Variants in LYRM4 observed in about 807,000 individuals in gnomAD.
The protein encoded by LYRM4 is LYR motif containing 4, also known as LYR motif-containing protein 4.
Under a neutral mutation model 11.7 loss-of-function variants are expected in LYRM4, and 9 were observed. The observed-to-expected ratio is 0.77, with a 90% CI of 0.46 to 1.34. The LOEUF is 1.34. Ranked by LOEUF, LYRM4 falls within the 40% of genes most tolerant of loss-of-function variation. LYRM4 has a pLI of 0.00. For missense variants in LYRM4, 133 were observed against 112.5 expected (o/e 1.18, Z -0.82); for synonymous variants, 42 against 40.4 (o/e 1.04, Z -0.15).
chr6:5,144,190 T>C lies in LYRM4; in HGVS notation c.208-34699A>G, dbSNP rs1426572045. The C allele has an allele frequency of 3.3e-6, 5 of 1,536,880 alleles. No individual in the cohort carries two copies. The highest frequency in any genetic ancestry group is 4.4e-6 in the Non-Finnish European group (5 of 1,146,900). On this transcript the variant is annotated intron_variant, in intron 2 of 2. Transcript: ENST00000330636. The stretch of plus-strand genomic sequence containing the variant: ...GTCAGGTGGTTTCCTCAAGGCCAAC[T>C]TGTGCAGGGCTTCCCCAGGCTCCGG...
chr6:5,133,391 T>G (rs969250746), intron 2 of LYRM4, among the ~76,000 whole-genome samples: 1 of 152,154 alleles, frequency 6.6e-6, no homozygotes, highest in Non-Finnish European at 1.5e-5. Flanking sequence ...AGAAGCAAAC[T>G]TGCACGGGCT....
the LYRM4 span, among the ~76,000 whole-genome samples, chr6:5,045,003 A>G: frequency 6.6e-6 from 1 of 152,188 alleles, no homozygotes; most frequent in African/African-American, 2.4e-5. Flanking sequence ...ACTCACATGG[A>G]CAACACACTT....
At chr6:5,039,354 C>T in the LYRM4 span, among the ~76,000 whole-genome samples, 1 of 152,114 alleles carries the variant, frequency 6.6e-6, no homozygotes. Context: ...ACAATAGTGA[C>T]CAAGACAAAC....
At chr6:5,046,006 G>C in the LYRM4 span, among the ~76,000 whole-genome samples, 2 of 152,164 alleles carry the variant, frequency 1.3e-5, no homozygotes, top group Admixed American at 1.3e-4. Flanking sequence ...GCATGAGCAC[G>C]GGGCACTCTG....
the LYRM4 span, chr6:5,085,502 C>A: frequency 2.0e-6 from 3 of 1,536,552 alleles, no homozygotes; most frequent in South Asian, 1.2e-5. Flanking sequence ...CCCATAGGGG[C>A]GCGGCTAAGT....
chr6:5,147,927 C>A (rs1757821698), intron 2 of LYRM4, among the ~76,000 whole-genome samples: 1 of 152,174 alleles, frequency 6.6e-6, no homozygotes, highest in South Asian at 2.1e-4. Flanking sequence ...TCCGACTTTC[C>A]TTTTGTAAAT....
At chr6:5,260,598 T>TACCCCGGCCCCGGGCCCCCCCC in intron 1 of LYRM4, 50 bp downstream of exon 1, 1 of 1,105,570 alleles carries the variant, frequency 9.0e-7, no homozygotes, top group Non-Finnish European at 1.3e-6. Flanking sequence ...GCACCCCCGG[T>TACCCCGGCCCCGGGCCCCCCCC]CCCCGGCCCC....
rs972020561 is a variant in LYRM4, at chr6:5,108,842, T to C, written c.*581A>G. Reference sequence around the variant, plus strand: ...TGTGTACCTACACACCCGTCACCTTTGTTGTACTGGGCTCAGGTATAAGTT... The same window carrying C: ...TGTGTACCTACACACCCGTCACCTTCGTTGTACTGGGCTCAGGTATAAGTT... On this transcript the variant is annotated 3_prime_UTR_variant, in exon 3 of 3. Coordinates refer to ENST00000330636, the MANE Select transcript of LYRM4 (RefSeq NM_020408.6). 2.0e-6 allele frequency: 2 copies of C among 986,380 alleles called. No individual in the cohort carries two copies. Among genetic ancestry groups the C allele is most frequent in the African/African-American group, 3.5e-5 (2 of 57,216 alleles). The allele number at this position is 986,380 out of a possible 1,614,324, so 61.1% of individuals were successfully genotyped here.
chr6:5,124,491 C>T (rs537788606), intron 2 of LYRM4, among the ~76,000 whole-genome samples: 3 of 152,294 alleles, frequency 2.0e-5, no homozygotes, highest in South Asian at 4.2e-4. Flanking sequence ...TTTCCATTTC[C>T]GCCTTTTGCC....
the LYRM4 span, among the ~76,000 whole-genome samples, chr6:5,060,976 G>A: frequency 6.6e-6 from 1 of 152,064 alleles, no homozygotes; most frequent in Non-Finnish European, 1.5e-5. Context: ...ATCCTATACT[G>A]TTCTGTGTTC....
the LYRM4 span, chr6:5,085,913 C>T: frequency 3.3e-6 from 5 of 1,531,026 alleles, no homozygotes; most frequent in Admixed American, 5.9e-5. Context: ...CTAAGCCTGG[C>T]CAGCGTGAAG....
chr6:5,078,617 A>T, the LYRM4 span, among the ~76,000 whole-genome samples: 1 of 152,310 alleles, frequency 6.6e-6, no homozygotes, highest in Non-Finnish European at 1.5e-5. Flanking sequence ...GAGCCCTTAA[A>T]GTTCCTCAAT....
At chr6:5,118,094 A>ATATATATATATATATATATATTTTT in intron 2 of LYRM4, among the ~76,000 whole-genome samples, 13 of 86,126 alleles carry the variant, frequency 1.5e-4, no homozygotes, top group South Asian at 4.3e-4. Context: ...ATATATATAT[A>ATATATATATATATATATATATTTTT]TTTTTGTTTT....
At chr6:5,200,832 T>C (rs1429715303) in intron 2 of LYRM4, among the ~76,000 whole-genome samples, 1 of 139,704 alleles carries the variant, frequency 7.2e-6, no homozygotes, top group Non-Finnish European at 1.6e-5. Context: ...GTACAAGCAC[T>C]GTAGGTGGTT....
intron 1 of LYRM4, among the ~76,000 whole-genome samples, chr6:5,245,122 A>ATATATG (rs1561899043): frequency 9.8e-5 from 3 of 30,756 alleles, no homozygotes; most frequent in Non-Finnish European, 1.9e-4. Context: ...AAATATATAT[A>ATATATG]TATATATATA....
At chr6:5,062,331 C>CAT in the LYRM4 span, among the ~76,000 whole-genome samples, 406 of 148,512 alleles carry the variant, frequency 2.7e-3, 3 homozygotes, top group African/African-American at 7.9e-3. Flanking sequence ...CATATATTAA[C>CAT]ATATATATAT....
chr6:5,036,832 G>A, the LYRM4 span, among the ~76,000 whole-genome samples: 37 of 152,096 alleles, frequency 2.4e-4, no homozygotes, highest in Non-Finnish European at 4.8e-4. Context: ...CTGCGGGCAC[G>A]GGATACGCTC....
At chr6:5,217,352 C>A (rs750803503) in intron 1 of LYRM4, among the ~76,000 whole-genome samples, 1 of 152,202 alleles carries the variant, frequency 6.6e-6, no homozygotes, top group Admixed American at 6.5e-5. Context: ...AAAGTGCACA[C>A]GCCTACCACC....
the LYRM4 span, among the ~76,000 whole-genome samples, chr6:5,057,918 T>C: frequency 1.3e-5 from 2 of 151,988 alleles, no homozygotes; most frequent in Non-Finnish European, 2.9e-5. Context: ...CATGTCCAGC[T>C]AATTCTTATT....
Sources: gnomAD v4.1 joint callset for allele counts (sites outside exome capture counted in the v4.1 genomes callset) on GRCh38, gnomAD v4.1.1 for gene constraint, MANE v1.5 for transcripts, NCBI Gene and HGNC (gene_info 2026-07-23, HGNC 2026-07-21) for gene names.